NCR3LG1: variants seen among roughly 807,000 people sequenced by gnomAD.
NCR3LG1 encodes natural cytotoxicity triggering receptor 3 ligand 1.
A neutral mutation model predicts 34.8 loss-of-function variants in NCR3LG1; 35 were observed. That is an observed-to-expected ratio of 1.01 (90% CI 0.77 to 1.33). NCR3LG1 has a LOEUF of 1.33. Ranked by LOEUF, NCR3LG1 falls within the 40% of genes most tolerant of loss-of-function variation. NCR3LG1 has a pLI of 0.00. For missense variants in NCR3LG1, 452 were observed against 423.3 expected (o/e 1.07, Z -0.60); for synonymous variants, 173 against 163.6 (o/e 1.06, Z -0.44).
intron 3 of NCR3LG1, among the ~76,000 whole-genome samples, chr11:17,368,562 CTA>C (rs1189340139): frequency 2.0e-5 from 3 of 152,082 alleles, no homozygotes; most frequent in Non-Finnish European, 2.9e-5. Context: ...GAGGGGTTGT[CTA>C]TGTGGTATGC....
intron 2 of NCR3LG1, among the ~76,000 whole-genome samples, chr11:17,363,760 CTAAT>C: frequency 6.6e-6 from 1 of 151,790 alleles, no homozygotes; most frequent in East Asian, 1.9e-4. Flanking sequence ...CTAAGCATGG[CTAAT>C]TTTTGTATTT....
At chr11:17,355,771 C>A (rs1953197122) in intron 1 of NCR3LG1, among the ~76,000 whole-genome samples, 1 of 151,950 alleles carries the variant, frequency 6.6e-6, no homozygotes, top group African/African-American at 2.4e-5. Context: ...AGACATATCT[C>A]TCTGTCATGT....
At position 17,368,981 on chromosome 11, in the gene NCR3LG1, C is replaced by T; in HGVS notation, c.858+17C>T. ...TGGAAAAAGGTAAGGGGCTCCAAAGCAAAGTTCAGCCCTGTGTCTTGGGCT... is the reference window on the plus strand; with the variant it reads ...TGGAAAAAGGTAAGGGGCTCCAAAGTAAAGTTCAGCCCTGTGTCTTGGGCT... On this transcript the variant is annotated intron_variant, in intron 4 of 4. Transcript: ENST00000338965. The T allele has an allele frequency of 6.8e-7, 1 of 1,476,304 alleles. No individual in the cohort carries two copies. Among genetic ancestry groups the T allele is most frequent in the Non-Finnish European group, 9.1e-7 (1 of 1,095,012 alleles). 91.5% of individuals were successfully genotyped at this position (1,476,304 alleles called of 1,614,324 possible). A position where few individuals can be genotyped will look rare whatever the true frequency, so the allele number is the denominator to read the frequency against.
At position 17,372,673 on chromosome 11, in the gene NCR3LG1, T is replaced by G. The variant is rs762025590; in HGVS notation, c.*161T>G. 1 of 569,420 alleles carries G rather than the reference T, an allele frequency of 1.8e-6. No homozygotes were observed. Among genetic ancestry groups the G allele is most frequent in the Non-Finnish European group, 3.1e-6 (1 of 321,758 alleles). The allele number at this position is 569,420 out of a possible 1,614,324, so 35.3% of individuals were successfully genotyped here. A position where few individuals can be genotyped will look rare whatever the true frequency, so the allele number is the denominator to read the frequency against. ...TGTTTGACCTTACTTGGGGTGATGT[T>G]ATGTTGCTCTTAAACTCTTAACTAC... On this transcript the variant is annotated 3_prime_UTR_variant, in exon 5 of 5. Transcript: ENST00000338965.
rs1193857168 is a variant in NCR3LG1, at chr11:17,367,019, C to T, written c.432C>T (p.Ala144=). Residue 144 remains alanine (A), a synonymous_variant, in exon 3 of 5, where the codon GCC becomes GCT. Coordinates refer to ENST00000338965, the MANE Select transcript of NCR3LG1 (RefSeq NM_001202439.3). ...TTTTTTCCCTGACAGCTTCCCCAGC[C>T]AGCAGATTGTTGCTGGATCAAGTGG... ...TVQLEVVASP[A]SRLLLDQVGM... The T allele has an allele frequency of 6.5e-7, 1 of 1,531,204 alleles. No individual in the cohort carries two copies. The highest frequency in any genetic ancestry group is 1.4e-5 in the African/African-American group (1 of 72,952). 94.9% of individuals were successfully genotyped at this position (1,531,204 alleles called of 1,614,324 possible). A position where few individuals can be genotyped will look rare whatever the true frequency, so the allele number is the denominator to read the frequency against.
rs528612204 is a variant in NCR3LG1 at position 17,354,915 on chromosome 11, C to T, written c.71-1736C>T. On this transcript the variant is annotated intron_variant, in intron 1 of 4. Transcript: ENST00000338965. ...ACTAATGAAAGGACATGTTTGATGG[C>T]AACAAGGGGAATTCGGTTTCTGACA... Among the ~76,000 whole-genome samples the T allele has an allele frequency of 2.6e-5, 4 of 152,190 alleles. No homozygotes were observed. In the South Asian group the frequency reaches 8.3e-4, roughly 32 times the overall value.
At chr11:17,364,792 C>G (rs1953326931) in intron 2 of NCR3LG1, among the ~76,000 whole-genome samples, 3 of 152,134 alleles carry the variant, frequency 2.0e-5, no homozygotes, top group African/African-American at 7.2e-5. Flanking sequence ...GTGATCCACC[C>G]ACCTCGGCCT....
intron 4 of NCR3LG1, among the ~76,000 whole-genome samples, chr11:17,370,293 T>G (rs1462263462): frequency 6.6e-6 from 1 of 152,226 alleles, no homozygotes. Context: ...CTTAATTTTC[T>G]TGGTCATGAG....
intron 2 of NCR3LG1, among the ~76,000 whole-genome samples, chr11:17,358,299 T>G (rs1953233573): frequency 6.6e-6 from 1 of 152,234 alleles, no homozygotes. Context: ...TATATGTTCT[T>G]AGGCTCCTTT....
intron 1 of NCR3LG1, among the ~76,000 whole-genome samples, chr11:17,354,021 A>G (rs1172166329): frequency 6.6e-6 from 1 of 152,252 alleles, no homozygotes; most frequent in Non-Finnish European, 1.5e-5. Context: ...GTCAGATTTT[A>G]ATGCAAGAGA....
chr11:17,370,235 T>C (rs1453810215), intron 4 of NCR3LG1, among the ~76,000 whole-genome samples: 1 of 152,188 alleles, frequency 6.6e-6, no homozygotes, highest in Non-Finnish European at 1.5e-5. Context: ...GCTTTCTTCT[T>C]TTGCTTATTA....
intron 4 of NCR3LG1, 35 bp downstream of exon 4, chr11:17,368,999 CT>C: frequency 7.3e-7 from 1 of 1,375,536 alleles, no homozygotes; most frequent in Non-Finnish European, 9.8e-7. Context: ...AGCCCTGTGT[CT>C]TGGGCTAGTA....
At position 17,376,943 on chromosome 11, in the gene NCR3LG1, T is replaced by A. The variant is rs1953482703; in HGVS notation, c.*4431T>A. On this transcript the variant is annotated 3_prime_UTR_variant, in exon 5 of 5. Transcript: ENST00000338965. ...GTCTCCTCCTGGTTGAAAGTCCTGC[T>A]GGGAATGGCAGGCTCTGGGTAACCA... The A allele has an allele frequency of 6.6e-6, 1 of 152,188 alleles. No homozygotes were observed. The highest frequency in any genetic ancestry group is 2.1e-4 in the South Asian group (1 of 4,828). 9.4% of individuals were successfully genotyped at this position (152,188 alleles called of 1,614,324 possible).
rs1423541607 is a variant in NCR3LG1 at position 17,376,042 on chromosome 11, C to T, written c.*3530C>T. 1.3e-5 allele frequency: 2 copies of T among 152,150 alleles called. No individual in the cohort carries two copies. Among genetic ancestry groups the T allele is most frequent in the African/African-American group, 4.8e-5 (2 of 41,432 alleles). The allele number at this position is 152,150 out of a possible 1,614,324, so 9.4% of individuals were successfully genotyped here. ...AAGATTGTTCTCAGGAGAAAATCTA[C>T]TAAAAATGGTCAAATAGGTTGTTAA... On this transcript the variant is annotated 3_prime_UTR_variant, in exon 5 of 5. Coordinates refer to ENST00000338965, the MANE Select transcript of NCR3LG1 (RefSeq NM_001202439.3).
chr11:17,376,418 ACGT>A lies in NCR3LG1; in HGVS notation c.*3908_*3910del, dbSNP rs1953478054. 6.6e-6 allele frequency: 1 copy of A among 152,170 alleles called. No individual in the cohort carries two copies. Among genetic ancestry groups the A allele is most frequent in the African/African-American group, 2.4e-5 (1 of 41,440 alleles). The allele number at this position is 152,170 out of a possible 1,614,324, so 9.4% of individuals were successfully genotyped here. A position where few individuals can be genotyped will look rare whatever the true frequency, so the allele number is the denominator to read the frequency against. On this transcript the variant is annotated 3_prime_UTR_variant, in exon 5 of 5. Transcript: ENST00000338965. ...AGGACTTTTTATTGGGTTTGGTAAT[ACGT>A]CACACCCTTTAGCCTCTACTGTGTC...
At chr11:17,365,171 C>T (rs1953330843) in intron 2 of NCR3LG1, among the ~76,000 whole-genome samples, 1 of 152,126 alleles carries the variant, frequency 6.6e-6, no homozygotes, top group Admixed American at 6.5e-5. Flanking sequence ...AGGTAATAGG[C>T]TTTTATTATG....
At chr11:17,368,807 G>A in intron 3 of NCR3LG1, 60 bp from the exon 4 acceptor site, 1 of 1,123,308 alleles carries the variant, frequency 8.9e-7, no homozygotes, top group Non-Finnish European at 1.3e-6. Flanking sequence ...CAGCAGTTGT[G>A]TGGTTTCTCT....
intron 2 of NCR3LG1, among the ~76,000 whole-genome samples, chr11:17,362,415 T>C (rs889536954): frequency 6.6e-6 from 1 of 152,198 alleles, no homozygotes; most frequent in African/African-American, 2.4e-5. Flanking sequence ...GTGATATTGA[T>C]CTGTAGTTAT....
chr11:17,369,593 T>C (rs1420811254), intron 4 of NCR3LG1, among the ~76,000 whole-genome samples: 1 of 152,250 alleles, frequency 6.6e-6, no homozygotes, highest in African/African-American at 2.4e-5. Context: ...TTTATGGGCC[T>C]GTCAAGGCAA....
Sources: allele counts gnomAD v4.1 joint callset (sites outside exome capture counted in the v4.1 genomes callset), GRCh38; gene constraint gnomAD v4.1.1; transcripts MANE v1.5; gene names NCBI Gene and HGNC (gene_info 2026-07-23, HGNC 2026-07-21).